DPF3: variants seen among roughly 807,000 people sequenced by gnomAD.
DPF3 encodes the protein zinc finger protein DPF3.
DPF3 carries 18 observed loss-of-function variants against 56.8 expected under a neutral mutation model. The observed-to-expected ratio is 0.32, with a 90% CI of 0.22 to 0.47. The LOEUF is 0.47. Among genes scored for constraint, DPF3 ranks in the 20% least tolerant of loss-of-function variants. The pLI, the probability that DPF3 is intolerant of heterozygous loss-of-function variation, is 1.00. For missense variants in DPF3, 403 were observed against 488.8 expected, an observed-to-expected ratio of 0.82 and a Z score of 1.65; for synonymous variants, 188 against 180.2, an observed-to-expected ratio of 1.04 and a Z score of -0.35.
chr14:72,871,780 T>G (rs1885910968), intron 1 of DPF3, among the ~76,000 whole-genome samples: 1 of 152,218 alleles, frequency 6.6e-6, no homozygotes, highest in African/African-American at 2.4e-5. Context: ...TCTCTGCAGC[T>G]TTTCCAGGCA....
intron 3 of DPF3, 59 bp downstream of exon 3, chr14:72,753,205 C>A: frequency 6.5e-7 from 1 of 1,533,740 alleles, no homozygotes. Context: ...GTCCTGGGCC[C>A]AGCCCAGTCC....
chr14:72,873,456 C>T (rs1024524394), intron 1 of DPF3, among the ~76,000 whole-genome samples: 6 of 152,198 alleles, frequency 3.9e-5, no homozygotes, highest in Admixed American at 1.3e-4. Flanking sequence ...GAAATAGGAA[C>T]ATTTTCTCAC....
chr14:72,728,189 G>C (rs886645368), intron 4 of DPF3, among the ~76,000 whole-genome samples: 1 of 152,188 alleles, frequency 6.6e-6, no homozygotes, highest in African/African-American at 2.4e-5. Context: ...AGAGATGACA[G>C]ACCTTGACTT....
chr14:72,791,623 G>A (rs1892435865), intron 1 of DPF3, among the ~76,000 whole-genome samples: 1 of 152,246 alleles, frequency 6.6e-6, no homozygotes, highest in Non-Finnish European at 1.5e-5. Context: ...CTCAAACAAA[G>A]CCGCCATCAC....
intron 1 of DPF3, among the ~76,000 whole-genome samples, chr14:72,818,133 C>T (rs1442741541): frequency 1.3e-5 from 2 of 151,674 alleles, no homozygotes; most frequent in African/African-American, 2.4e-5. Context: ...CCCAGCTATT[C>T]AAATGGCTGA....
intron 1 of DPF3, among the ~76,000 whole-genome samples, chr14:72,828,537 T>TAAAAAAAAAAAAAAAAAAAAAAAAA (rs3058950): frequency 1.0e-4 from 9 of 86,984 alleles, no homozygotes; most frequent in African/African-American, 1.4e-4. Context: ...GACCATGTCT[T>TAAAAAAAAAAAAAAAAAAAAAAAAA]AAAAAAAAAA....
At chr14:72,654,550 T>C (rs945626710) in intron 8 of DPF3, among the ~76,000 whole-genome samples, 10 of 152,196 alleles carry the variant, frequency 6.6e-5, no homozygotes, top group African/African-American at 2.2e-4. Context: ...AAATCCTTGA[T>C]TGGAAAAATC....
intron 2 of DPF3, among the ~76,000 whole-genome samples, chr14:72,759,194 G>A (rs1890965686): frequency 6.6e-6 from 1 of 152,052 alleles, no homozygotes; most frequent in Non-Finnish European, 1.5e-5. Flanking sequence ...TGTCAGATTA[G>A]ATATTGCAGA....
In DPF3 at chr14:72,868,253, C is replaced by T. The variant is rs368138967; in HGVS notation, c.32+25804G>A. 9.9e-5 allele frequency among the ~76,000 whole-genome samples: 15 copies of T among 152,236 alleles called. No individual in the cohort carries two copies. The East Asian group carries it at 2.7e-3, about 27-fold the overall frequency. ...TACCTGGGAGTCAGACATCTCTCTC[C>T]TCCCACCAACTCCATCACTTTGTAA... On this transcript the variant is annotated intron_variant, in intron 1 of 10. Coordinates refer to ENST00000556509, the MANE Select transcript of DPF3 (RefSeq NM_001280542.3).
Position 72,674,388 on chromosome 14 carries a change from A to G in DPF3, c.743-20T>C, listed in dbSNP as rs1458633478. On this transcript the variant is annotated intron_variant, in intron 7 of 10. Transcript: ENST00000556509. ...TCTGGGCTGTGGGAACATTTAAAAC[A>G]TTCCAATTTCAGGCTTACATGAGTT... The G allele has an allele frequency of 1.2e-6, 2 of 1,608,678 alleles. No individual in the cohort carries two copies. Among genetic ancestry groups the G allele is most frequent in the Non-Finnish European group, 1.7e-6 (2 of 1,177,438 alleles).
At chr14:72,645,506 A>G (rs2526917) in intron 8 of DPF3, among the ~76,000 whole-genome samples, 3 of 152,006 alleles carry the variant, frequency 2.0e-5, no homozygotes, top group African/African-American at 7.2e-5. Context: ...TTTTATATAG[A>G]GATGGGGTCT....
At chr14:72,798,129 C>T (rs1204286033) in intron 1 of DPF3, among the ~76,000 whole-genome samples, 1 of 151,816 alleles carries the variant, frequency 6.6e-6, no homozygotes. Context: ...TGGCAGGCGC[C>T]TGTAATCCCA....
intron 7 of DPF3, chr14:72,679,200 G>A (rs4903046): frequency 0.39 from 59,043 of 152,118 alleles, 12,508 homozygotes; most frequent in East Asian, 0.74. Flanking sequence ...GCTGTGGTGT[G>A]CCTGCCACTC....
At chr14:72,713,747 G>A (rs992295266) in intron 6 of DPF3, among the ~76,000 whole-genome samples, 1 of 152,152 alleles carries the variant, frequency 6.6e-6, no homozygotes, top group African/African-American at 2.4e-5. Flanking sequence ...CCCTCATCAA[G>A]CTGCAGGTTT....
chr14:72,789,920 C>CT (rs1892361187), intron 1 of DPF3, among the ~76,000 whole-genome samples: 1 of 152,138 alleles, frequency 6.6e-6, no homozygotes, highest in South Asian at 2.1e-4. Context: ...GGCACTCATT[C>CT]TTTTTCCATC....
At chr14:72,881,920 G>A (rs542099487) in intron 1 of DPF3, among the ~76,000 whole-genome samples, 2 of 151,950 alleles carry the variant, frequency 1.3e-5, no homozygotes, top group African/African-American at 4.8e-5. Context: ...TCTTTGGAGA[G>A]GGAGAAAATG....
At chr14:72,778,652 G>A (rs1258886326) in intron 1 of DPF3, among the ~76,000 whole-genome samples, 3 of 152,152 alleles carry the variant, frequency 2.0e-5, no homozygotes, top group African/African-American at 7.2e-5. Context: ...AGTCCCTGGT[G>A]CCAGAAAGGT....
chr14:72,865,034 C>T (rs894129627), intron 1 of DPF3, among the ~76,000 whole-genome samples: 1 of 152,146 alleles, frequency 6.6e-6, no homozygotes, highest in Non-Finnish European at 1.5e-5. Flanking sequence ...GAATAAGCAG[C>T]TTTAAGGGAA....
At chr14:72,658,490 G>C (rs1405496984) in intron 8 of DPF3, among the ~76,000 whole-genome samples, 1 of 152,118 alleles carries the variant, frequency 6.6e-6, no homozygotes. Flanking sequence ...GGAATGTGAT[G>C]TAATAGACAA....
Sources: allele counts gnomAD v4.1 joint callset (sites outside exome capture counted in the v4.1 genomes callset), GRCh38; gene constraint gnomAD v4.1.1; transcripts MANE v1.5; gene names NCBI Gene and HGNC (gene_info 2026-07-23, HGNC 2026-07-21).